ADGRB1: variants seen among roughly 807,000 people sequenced by gnomAD.
The protein encoded by ADGRB1 is adhesion G protein-coupled receptor B1, also known as brain-specific angiogenesis inhibitor 1.
Under a neutral mutation model 175.7 loss-of-function variants are expected in ADGRB1, and 36 were observed. The ratio of observed to expected loss-of-function variants is 0.20; its 90% confidence interval spans 0.16 to 0.27. The LOEUF (loss-of-function observed/expected upper bound fraction) is 0.27. ADGRB1 is among the 10% of genes least tolerant of loss of function. The probability of loss-of-function intolerance (pLI) is 1.00; values close to 1 mark genes in which losing one functional copy is unlikely to be tolerated. For missense variants in ADGRB1, 1,731 were observed against 2,255.3 expected, an observed-to-expected ratio of 0.77 and a Z score of 4.71; for synonymous variants, 1,054 against 979.4, an observed-to-expected ratio of 1.08 and a Z score of -1.42.
chr8:142,533,489 G>A, intron 25 of ADGRB1, 23 bp downstream of exon 25: 1 of 1,572,724 alleles, frequency 6.4e-7, no homozygotes, highest in Non-Finnish European at 8.7e-7. Context: ...GCCTCTGTCG[G>A]GCCGGGCTCC....
At chr8:142,480,393 G>A (rs1841269613) in intron 9 of ADGRB1, among the ~76,000 whole-genome samples, 1 of 152,212 alleles carries the variant, frequency 6.6e-6, no homozygotes, top group African/African-American at 2.4e-5. Flanking sequence ...GAGGGCAGTT[G>A]GGGTTCCTCT....
chr8:142,483,382 C>G (rs1374938011), intron 11 of ADGRB1, among the ~76,000 whole-genome samples: 1 of 96,772 alleles, frequency 1.0e-5, no homozygotes, highest in African/African-American at 5.5e-5. Context: ...AGCCCTGACC[C>G]TGGTCACACC....
chr8:142,476,504 C>T, intron 3 of ADGRB1, 81 bp from the exon 4 acceptor site: 1 of 1,335,442 alleles, frequency 7.5e-7, no homozygotes, highest in Non-Finnish European at 1.0e-6. Context: ...CCAGTGCTGC[C>T]GAACTCAGAG....
At position 142,543,866 on chromosome 8, in the gene ADGRB1, C is replaced by T. The variant is rs1845437010; in HGVS notation, c.4557+158C>T. On this transcript the variant is annotated intron_variant, in intron 30 of 30. Transcript: ENST00000517894. The surrounding 1 kb of genome is among the most constrained non-coding windows in gnomAD (Gnocchi z 4.4). ...CCCATCCCTGAGGGCTGGCCTGACC[C>T]TGCCATGCCAGACTCTGGAGGCCAT... Among the ~76,000 whole-genome samples, 1 of 152,160 alleles carries T rather than the reference C, an allele frequency of 6.6e-6. No individual in the cohort carries two copies. Among genetic ancestry groups the T allele is most frequent in the Admixed American group, 6.5e-5 (1 of 15,276 alleles).
At chr8:142,518,012 G>A (rs1266540120) in intron 18 of ADGRB1, 126 bp from the exon 19 acceptor site, 1 of 780,660 alleles carries the variant, frequency 1.3e-6, no homozygotes, top group Non-Finnish European at 2.1e-6. Flanking sequence ...GGGAGGTGGA[G>A]GAGGGGCTGG....
At chr8:142,539,861 C>T in intron 27 of ADGRB1, 1 of 179,710 alleles carries the variant, frequency 5.6e-6, no homozygotes, top group Non-Finnish European at 1.2e-5. Flanking sequence ...CCAGTCCCAG[C>T]AGGGGCAGAA....
chr8:142,476,535 A>T (rs1480418535), intron 3 of ADGRB1, 50 bp from the exon 4 acceptor site: 1 of 1,495,808 alleles, frequency 6.7e-7, no homozygotes, highest in Non-Finnish European at 9.1e-7. Flanking sequence ...ACAGAGAGAG[A>T]GGACGGGGGC....
In ADGRB1 at chr8:142,467,175, G is replaced by A. The variant is rs111953517; in HGVS notation, c.784+2193G>A. Reference sequence around the variant, plus strand: ...CTACTGAGTGCAGGCACCCTATGGTGTAAGGTGGTCGGGCCTCCCGTGGGA... The same window carrying A: ...CTACTGAGTGCAGGCACCCTATGGTATAAGGTGGTCGGGCCTCCCGTGGGA... On this transcript the variant is annotated intron_variant, in intron 2 of 30. Coordinates refer to ENST00000517894, the MANE Select transcript of ADGRB1 (RefSeq NM_001702.3). 1.1e-3 allele frequency among the ~76,000 whole-genome samples: 160 copies of A among 152,360 alleles called. 1 individual carries two copies. Among genetic ancestry groups the A allele is most frequent in the African/African-American group, 3.6e-3 (148 of 41,576 alleles).
intron 17 of ADGRB1, among the ~76,000 whole-genome samples, chr8:142,497,086 G>A (rs930269972): frequency 1.3e-5 from 2 of 152,226 alleles, no homozygotes; most frequent in Non-Finnish European, 2.9e-5. Context: ...GTGCACACAG[G>A]CTGTCTCAGC....
intron 24 of ADGRB1, 64 bp from the exon 25 acceptor site, chr8:142,533,231 T>G: frequency 4.2e-6 from 6 of 1,414,150 alleles, no homozygotes; most frequent in South Asian, 2.9e-5. Flanking sequence ...AGATGCAGGG[T>G]TCAGGGCAGG....
chr8:142,480,566 C>T (rs554919579), intron 9 of ADGRB1, among the ~76,000 whole-genome samples: 7 of 152,346 alleles, frequency 4.6e-5, no homozygotes, highest in South Asian at 2.1e-4. Flanking sequence ...GAATGCCGCA[C>T]GGTGGCGTGC....
In ADGRB1 at chr8:142,537,236, C is replaced by A. The variant is rs1267830317; in HGVS notation, c.3666+154C>A. 6.6e-6 allele frequency among the ~76,000 whole-genome samples: 1 copy of A among 152,082 alleles called. No individual in the cohort carries two copies. The highest frequency in any genetic ancestry group is 2.4e-5 in the African/African-American group (1 of 41,400). On this transcript the variant is annotated intron_variant, in intron 26 of 30. Coordinates refer to ENST00000517894, the MANE Select transcript of ADGRB1 (RefSeq NM_001702.3). This position sits in a 1 kb window ranked among gnomAD's most constrained non-coding sequence, Gnocchi z 4.6. ...CAGTGTGCAGTTGGGGAAACTGAGGCTCGCCAAGTGGAACCCCTGGTCCGG... is the reference window on the plus strand; with the variant it reads ...CAGTGTGCAGTTGGGGAAACTGAGGATCGCCAAGTGGAACCCCTGGTCCGG...
rs990595926 is a variant in ADGRB1, at chr8:142,493,417, G to A, written c.2675+2602G>A. The stretch of plus-strand genomic sequence containing the variant: ...GTTTGGCGTCCGCGTGGCCTCTGTC[G>A]ACCCTAAAAGTCACAGGTGTGGGGA... On this transcript the variant is annotated intron_variant, in intron 17 of 30. Transcript: ENST00000517894. The surrounding 1 kb of genome is among the most constrained non-coding windows in gnomAD (Gnocchi z 5.0). Among the ~76,000 whole-genome samples, 3 of 152,230 alleles carry A rather than the reference G, an allele frequency of 2.0e-5. No homozygotes were observed. Among genetic ancestry groups the A allele is most frequent in the Admixed American group, 6.5e-5 (1 of 15,296 alleles).
rs1842042751 is a variant in ADGRB1, at chr8:142,492,825, G to A, written c.2675+2010G>A. Among the ~76,000 whole-genome samples the A allele has an allele frequency of 6.6e-6, 1 of 152,130 alleles. No individual in the cohort carries two copies. The highest frequency in any genetic ancestry group is 2.4e-5 in the African/African-American group (1 of 41,412). The stretch of plus-strand genomic sequence containing the variant: ...CCTGGGCTTTGCATTTTCAGGGGGT[G>A]GCAGTGCGGGGGCTGCAGGTGGGTC... On this transcript the variant is annotated intron_variant, in intron 17 of 30. Coordinates refer to ENST00000517894, the MANE Select transcript of ADGRB1 (RefSeq NM_001702.3). This position sits in a 1 kb window ranked among gnomAD's most constrained non-coding sequence, Gnocchi z 4.4.
Position 142,464,566 on chromosome 8 carries a change from T to C in ADGRB1, c.368T>C (p.Val123Ala). ...TYLGVESFDE[V>A]LRLCDPSAPL... ...CTGGGCGTGGAGAGCTTCGACGAGGTGCTGCGGCTCTGCGACCCCTCCGCA... is the reference window on the plus strand; with the variant it reads ...CTGGGCGTGGAGAGCTTCGACGAGGCGCTGCGGCTCTGCGACCCCTCCGCA... Residue 123 changes from valine (V) to alanine (A), a missense_variant, in exon 2 of 31, where the codon GTG (valine) becomes GCG (alanine). Physicochemically the swap from Val to Ala is moderately conservative, Grantham distance 64 (BLOSUM62 0). Coordinates refer to ENST00000517894, the MANE Select transcript of ADGRB1 (RefSeq NM_001702.3). The C allele has an allele frequency of 1.3e-6, 2 of 1,545,032 alleles. No homozygotes were observed. Among genetic ancestry groups the C allele is most frequent in the Non-Finnish European group, 1.7e-6 (2 of 1,147,922 alleles).
rs142551121 is a variant in ADGRB1 at position 142,508,206 on chromosome 8, C to T, written c.2676-2726C>T. Among the ~76,000 whole-genome samples the T allele has an allele frequency of 1.7e-4, 26 of 152,298 alleles. No individual in the cohort carries two copies. The East Asian group carries it at 5.0e-3, about 29-fold the overall frequency. On this transcript the variant is annotated intron_variant, in intron 17 of 30. Transcript: ENST00000517894. ...GCCAATGCAGGTTTCCTGGGAGTTA[C>T]CTGAGCCTCCCTTGCTGCACAGCCA... is the stretch of plus-strand genomic sequence containing the variant.
intron 6 of ADGRB1, among the ~76,000 whole-genome samples, 167 bp downstream of exon 6, chr8:142,477,716 C>T (rs1384774926): frequency 1.3e-5 from 2 of 152,228 alleles, no homozygotes; most frequent in Admixed American, 1.3e-4. Flanking sequence ...TGAGGTGTGA[C>T]CTTGGGGCAT....
In ADGRB1 at chr8:142,542,413, G is replaced by T. The variant is rs372811789; in HGVS notation, c.4179G>T (p.Pro1393=). ...AGGCCAGCCTCCCCGCCCGCAGCCC[G>T]CCCTCCCGCCAGCCCCCCAGCGGCG... is the stretch of plus-strand genomic sequence containing the variant. ...APEASLPARS[P]PSRQPPSGGP... Residue 1393 remains proline, a synonymous_variant, in exon 28 of 31, where the codon CCG becomes CCT. Coordinates refer to ENST00000517894, the MANE Select transcript of ADGRB1 (RefSeq NM_001702.3). The surrounding 1 kb of genome is among the most constrained non-coding windows in gnomAD (Gnocchi z 6.3). 2.1e-6 allele frequency: 2 copies of T among 947,256 alleles called. No homozygotes were observed. Among genetic ancestry groups the T allele is most frequent in the Middle Eastern group, 3.9e-4 (1 of 2,572 alleles). 58.7% of individuals were successfully genotyped at this position (947,256 alleles called of 1,614,324 possible).
intron 1 of ADGRB1, among the ~76,000 whole-genome samples, chr8:142,457,904 G>A (rs1473746210): frequency 1.3e-5 from 2 of 152,224 alleles, no homozygotes; most frequent in Non-Finnish European, 2.9e-5. Flanking sequence ...TCCGGTACCA[G>A]GCCGCTTGAA....
Sources: allele counts gnomAD v4.1 joint callset (sites outside exome capture counted in the v4.1 genomes callset), GRCh38; gene constraint gnomAD v4.1.1; non-coding constraint Gnocchi (gnomAD v3.1); transcripts MANE v1.5; gene names NCBI Gene and HGNC (gene_info 2026-07-23, HGNC 2026-07-21).